Variants in RALGAPA2 observed in about 807,000 individuals in gnomAD.
RALGAPA2 encodes the protein Ral GTPase activating protein catalytic subunit alpha 2.
RALGAPA2 carries 139 observed loss-of-function variants against 230.4 expected under a neutral mutation model. That is an observed-to-expected ratio of 0.60 (90% confidence interval 0.53 to 0.69). The LOEUF (loss-of-function observed/expected upper bound fraction) is 0.69, where lower values mean the gene tolerates loss of function less well. Ranked by LOEUF, RALGAPA2 falls within the 30% of genes least tolerant of loss-of-function variation. The probability of loss-of-function intolerance (pLI) is 0.00; values close to 1 mark genes in which losing one functional copy is unlikely to be tolerated. For synonymous variants in RALGAPA2, 847 were observed against 837.8 expected (o/e 1.01, Z -0.19); for missense variants, 2,163 against 2,276.0 (o/e 0.95, Z 1.01).
chr20:20,568,422 G>C (rs558554306), intron 23 of RALGAPA2, among the ~76,000 whole-genome samples: 3 of 152,184 alleles, frequency 2.0e-5, no homozygotes, highest in African/African-American at 7.2e-5. Flanking sequence ...CATTTTTCTG[G>C]CTGTTTGGTA....
At position 20,601,808 on chromosome 20, in the gene RALGAPA2, T is replaced by A. The variant is rs777518112; in HGVS notation, c.2077A>T (p.Arg693Trp). 3.1e-6 allele frequency: 5 copies of A among 1,612,464 alleles called. No homozygotes were observed. The East Asian group carries it at 8.9e-5, about 29-fold the overall frequency. Residue 693 changes from arginine to tryptophan, a missense_variant, in exon 16 of 40, where the codon AGG (arginine) becomes TGG (tryptophan). Transcript: ENST00000202677. ...LDPQKGTTVG[R>W]SFSLSWRSHP... ...CTCCGCCAGCTGAGAGAAAAGGACC[T>A]CCCCACGGTGGTTCCTTTCTGAGGA... is the stretch of plus-strand genomic sequence containing the variant.
intron 9 of RALGAPA2, among the ~76,000 whole-genome samples, chr20:20,632,260 G>A (rs2066701822): frequency 1.3e-5 from 2 of 151,914 alleles, no homozygotes; most frequent in South Asian, 4.2e-4. Context: ...TCGATCTCCT[G>A]ACCTCGTGAT....
At position 20,712,543 on chromosome 20, in the gene RALGAPA2, AG is replaced by A; in HGVS notation, c.-64del. 6.8e-7 allele frequency: 1 copy of A among 1,466,346 alleles called. No homozygotes were observed. The highest frequency in any genetic ancestry group is 9.0e-7 in the Non-Finnish European group (1 of 1,110,990). 90.8% of individuals were successfully genotyped at this position (1,466,346 alleles called of 1,614,324 possible). A position where few individuals can be genotyped will look rare whatever the true frequency, so the allele number is the denominator to read the frequency against. On this transcript the variant is annotated 5_prime_UTR_variant, in exon 1 of 40. It removes the in-frame stop codon of an upstream open reading frame in the 5' UTR. Coordinates refer to ENST00000202677, the MANE Select transcript of RALGAPA2 (RefSeq NM_020343.4). This position sits in a 1 kb window ranked among gnomAD's most constrained non-coding sequence, Gnocchi z 5.5. ...TAGGCGCCTGCGCCACGCGAATCAAAGCATAGGGTCGAGGCCGGCGCGTGTC... is the reference window on the plus strand; with the variant it reads ...TAGGCGCCTGCGCCACGCGAATCAAACATAGGGTCGAGGCCGGCGCGTGTC...
chr20:20,538,699 G>A (rs2063561799), intron 24 of RALGAPA2, among the ~76,000 whole-genome samples: 1 of 152,170 alleles, frequency 6.6e-6, no homozygotes, highest in African/African-American at 2.4e-5. Context: ...CTTGTCCTGA[G>A]GTTAGGAGAG....
chr20:20,491,547 G>A (rs532764523), intron 36 of RALGAPA2, among the ~76,000 whole-genome samples: 1 of 152,324 alleles, frequency 6.6e-6, no homozygotes, highest in South Asian at 2.1e-4. Flanking sequence ...TACTGAAAGA[G>A]AGGGAAAGCA....
chr20:20,433,208 A>G (rs1041620444), intron 37 of RALGAPA2, among the ~76,000 whole-genome samples: 1 of 152,238 alleles, frequency 6.6e-6, no homozygotes, highest in Non-Finnish European at 1.5e-5. Flanking sequence ...TCCTATGAAG[A>G]AAGTATTGTT....
At chr20:20,407,448 C>T (rs1261575228) in intron 38 of RALGAPA2, among the ~76,000 whole-genome samples, 15 of 152,238 alleles carry the variant, frequency 9.9e-5, no homozygotes. Flanking sequence ...CCAAGGAAGA[C>T]TGCCTGTCAG....
intron 16 of RALGAPA2, among the ~76,000 whole-genome samples, chr20:20,597,230 CA>C (rs1202319983): frequency 1.3e-5 from 2 of 152,070 alleles, no homozygotes; most frequent in East Asian, 1.9e-4. Flanking sequence ...ATTAGCCAAA[CA>C]GGGGGTAAAA....
At position 20,511,145 on chromosome 20, in the gene RALGAPA2, A is replaced by G. The variant is rs565882836; in HGVS notation, c.4928+109T>C. On this transcript the variant is annotated intron_variant, in intron 33 of 39. Transcript: ENST00000202677. Reference sequence around the variant, plus strand: ...ATGTCACCAGATGCTAGGTTACAGAACTACCCTTGGATGTCTCAGTAAGTC... The same window carrying G: ...ATGTCACCAGATGCTAGGTTACAGAGCTACCCTTGGATGTCTCAGTAAGTC... 3 of 1,493,236 alleles carry G rather than the reference A, an allele frequency of 2.0e-6. No individual in the cohort carries two copies. The African/African-American group carries it at 4.3e-5, about 21-fold the overall frequency. The allele number at this position is 1,493,236 out of a possible 1,614,324, so 92.5% of individuals were successfully genotyped here.
intron 7 of RALGAPA2, among the ~76,000 whole-genome samples, chr20:20,638,119 T>C (rs2066919092): frequency 6.6e-6 from 1 of 152,202 alleles, no homozygotes; most frequent in Non-Finnish European, 1.5e-5. Flanking sequence ...CCCATCAGTG[T>C]TTGCATAGTG....
In RALGAPA2 at chr20:20,546,830, A is replaced by C. The variant is rs200030972; in HGVS notation, c.3159T>G (p.Asp1053Glu). The C allele has an allele frequency of 5.6e-5, 89 of 1,576,840 alleles. 1 individual carries two copies. The East Asian group carries it at 2.0e-3, about 35-fold the overall frequency. The change falls in exon 24 of 40, where the codon GAT becomes GAG. Residue 1053 changes from aspartate (D) to glutamate (E), a missense_variant and splice_region_variant. Physicochemically the swap from Asp to Glu is conservative, Grantham distance 45. Transcript: ENST00000202677. ...AGTGCCTTATGATCGTATTTAAGATATCCTAAAAGGGAAGATAAGAAAAAA... is the reference window on the plus strand; with the variant it reads ...AGTGCCTTATGATCGTATTTAAGATCTCCTAAAAGGGAAGATAAGAAAAAA... ...MHLGLTSEDQDILNTIIRHCP... is the reference protein window; with the variant it reads ...MHLGLTSEDQEILNTIIRHCP...
intron 3 of RALGAPA2, among the ~76,000 whole-genome samples, chr20:20,673,757 T>C (rs2068221346): frequency 1.3e-5 from 2 of 152,118 alleles, no homozygotes; most frequent in African/African-American, 4.8e-5. Flanking sequence ...AACTATGTTA[T>C]ATAACAGAGA....
At chr20:20,411,926 T>G in intron 38 of RALGAPA2, 101 bp downstream of exon 38, 3 of 1,450,236 alleles carry the variant, frequency 2.1e-6, no homozygotes, top group Non-Finnish European at 2.9e-6. Context: ...GGGAGAATGC[T>G]CTTCTTAAAT....
chr20:20,558,153 C>T (rs770665107), intron 23 of RALGAPA2, among the ~76,000 whole-genome samples: 8 of 152,058 alleles, frequency 5.3e-5, no homozygotes, highest in East Asian at 1.9e-4. Flanking sequence ...TACAGGCATC[C>T]GCCACTACGC....
rs1276485143 is a variant in RALGAPA2, at chr20:20,391,908, G to C, written c.*1381C>G. 1 of 152,432 alleles carries C rather than the reference G, an allele frequency of 6.6e-6. No homozygotes were observed. Among genetic ancestry groups the C allele is most frequent in the Admixed American group, 6.5e-5 (1 of 15,286 alleles). 9.4% of individuals were successfully genotyped at this position (152,432 alleles called of 1,614,324 possible). A position where few individuals can be genotyped will look rare whatever the true frequency, so the allele number is the denominator to read the frequency against. ...CTGTCCCTTCCCACTGCAGGGCGTT[G>C]CTCTGTACCTGGCCGCTGTGAGAAC... On this transcript the variant is annotated 3_prime_UTR_variant, in exon 40 of 40. Transcript: ENST00000202677.
intron 38 of RALGAPA2, among the ~76,000 whole-genome samples, chr20:20,407,156 A>G (rs1167936034): frequency 6.6e-6 from 1 of 152,182 alleles, no homozygotes; most frequent in Non-Finnish European, 1.5e-5. Context: ...AGGGTTAGAC[A>G]TGATCTTTCC....
intron 38 of RALGAPA2, among the ~76,000 whole-genome samples, chr20:20,400,189 A>C (rs746163744): frequency 6.6e-6 from 1 of 152,218 alleles, no homozygotes; most frequent in Non-Finnish European, 1.5e-5. Context: ...ACCCAAGGCC[A>C]GTGGGAATTA....
intron 2 of RALGAPA2, among the ~76,000 whole-genome samples, chr20:20,678,288 A>C (rs2068405991): frequency 6.6e-6 from 1 of 152,178 alleles, no homozygotes; most frequent in East Asian, 1.9e-4. Context: ...AGATTATACT[A>C]AAAGCAAAAG....
intron 37 of RALGAPA2, among the ~76,000 whole-genome samples, chr20:20,446,481 G>C (rs1386076303): frequency 6.6e-6 from 1 of 152,172 alleles, no homozygotes; most frequent in African/African-American, 2.4e-5. Flanking sequence ...AATAGGTTTT[G>C]AAATCAACAA....
Sources: gnomAD v4.1 joint callset for allele counts (sites outside exome capture counted in the v4.1 genomes callset) on GRCh38, gnomAD v4.1.1 for gene constraint, Gnocchi (gnomAD v3.1) non-coding constraint, MANE v1.5 for transcripts, NCBI Gene and HGNC (gene_info 2026-07-23, HGNC 2026-07-21) for gene names.